Variants in ASTN1 observed in about 807,000 individuals in gnomAD.
The protein encoded by ASTN1 is astrotactin 1, also known as astrotactin-1.
ASTN1 carries 41 observed loss-of-function variants against 140.7 expected under a neutral mutation model. The ratio of observed to expected loss-of-function variants is 0.29; its 90% CI spans 0.23 to 0.38. The LOEUF is 0.38. ASTN1 is among the 10% of genes least tolerant of loss of function. ASTN1 has a pLI of 1.00. For synonymous variants in ASTN1, 640 were observed against 652.2 expected, an observed-to-expected ratio of 0.98 and a Z score of 0.29; for missense variants, 1,479 against 1,678.8, an observed-to-expected ratio of 0.88 and a Z score of 2.08.
intron 16 of ASTN1, among the ~76,000 whole-genome samples, chr1:176,928,429 A>T (rs1414090524): frequency 6.6e-6 from 1 of 152,260 alleles, no homozygotes; most frequent in African/African-American, 2.4e-5. Flanking sequence ...TATGGAAGAC[A>T]GTTATGCAGG....
chr1:176,889,366 T>A (rs1191049185), intron 17 of ASTN1, among the ~76,000 whole-genome samples: 1 of 152,228 alleles, frequency 6.6e-6, no homozygotes, highest in Non-Finnish European at 1.5e-5. Flanking sequence ...CTGTTTCTTA[T>A]GATTCTCTTC....
At chr1:177,011,519 G>C (rs1675287408) in intron 8 of ASTN1, among the ~76,000 whole-genome samples, 1 of 151,826 alleles carries the variant, frequency 6.6e-6, no homozygotes. Flanking sequence ...TGATGGAGTG[G>C]TGAGAGAATT....
In ASTN1 at chr1:176,947,308, T is replaced by C. The variant is rs36055303; in HGVS notation, c.2055-1188A>G. Reference sequence around the variant, plus strand: ...CTAGTGTTCATTAAATATTACTATTTGTAGAAGTAGAGGTGCAAATGAGGC... The same window carrying C: ...CTAGTGTTCATTAAATATTACTATTCGTAGAAGTAGAGGTGCAAATGAGGC... On this transcript the variant is annotated intron_variant, in intron 12 of 22. Transcript: ENST00000361833. 8.8e-3 allele frequency among the ~76,000 whole-genome samples: 1,337 copies of C among 152,310 alleles called. 13 individuals are homozygous for C. The highest frequency in any genetic ancestry group is 0.014 in the Middle Eastern group (4 of 294).
intron 16 of ASTN1, among the ~76,000 whole-genome samples, chr1:176,904,927 C>T (rs984393796): frequency 6.6e-6 from 1 of 152,168 alleles, no homozygotes; most frequent in Non-Finnish European, 1.5e-5. Context: ...ATCTACCCTG[C>T]GGCATTTATT....
At chr1:176,934,897 G>A (rs1671367895) in intron 15 of ASTN1, among the ~76,000 whole-genome samples, 1 of 152,094 alleles carries the variant, frequency 6.6e-6, no homozygotes, top group Non-Finnish European at 1.5e-5. Context: ...CGTAGACATG[G>A]GCAATAAGAA....
chr1:176,934,313 T>C lies in ASTN1; in HGVS notation c.2510A>G (p.Asp837Gly). The change falls in exon 16 of 23, where the codon GAT becomes GGT. Residue 837 changes from aspartate to glycine, a missense_variant. Around this residue, in one of 3 missense-constraint regions of ASTN1, gnomAD observed 746 missense variants for 800.9 expected, o/e 0.93. Transcript: ENST00000361833. ...QALSNALHSL[D>G]GATSRADFVA... ...AAAATCTGCACGAGATGTAGCCCCA[T>C]CCAGCGAGTGGAGAGCATTGCTGAG... The C allele has an allele frequency of 6.2e-7, 1 of 1,613,272 alleles. No homozygotes were observed. Among genetic ancestry groups the C allele is most frequent in the Non-Finnish European group, 8.5e-7 (1 of 1,179,400 alleles).
rs544296388 is a variant in ASTN1 at position 177,047,621 on chromosome 1, C to A, written c.471+13457G>T. ...AGACAAGAGTGAAGAGGATGGAAACCACCGTATCAGTCCAGTGAGAGGTGA... is the reference window on the plus strand; with the variant it reads ...AGACAAGAGTGAAGAGGATGGAAACAACCGTATCAGTCCAGTGAGAGGTGA... On this transcript the variant is annotated intron_variant, in intron 2 of 22. Coordinates refer to ENST00000361833, the MANE Select transcript of ASTN1 (RefSeq NM_004319.3). Among the ~76,000 whole-genome samples the A allele has an allele frequency of 1.8e-3, 281 of 152,152 alleles. 9 individuals are homozygous for A. In the South Asian group the frequency reaches 0.056, roughly 30 times the overall value.
intron 6 of ASTN1, among the ~76,000 whole-genome samples, chr1:177,024,119 CT>C (rs372578802): frequency 3.2e-4 from 48 of 152,322 alleles, no homozygotes; most frequent in African/African-American, 1.1e-3. Context: ...TGGGGTCCCC[CT>C]GGATGAAAGT....
rs186588699 is a variant in ASTN1, at chr1:176,994,595, G to C, written c.1523+20196C>G. 3.0e-3 allele frequency among the ~76,000 whole-genome samples: 451 copies of C among 152,114 alleles called. 10 individuals carry two copies. Among genetic ancestry groups the C allele is most frequent in the Admixed American group, 0.026 (397 of 15,272 alleles). On this transcript the variant is annotated intron_variant, in intron 8 of 22. Coordinates refer to ENST00000361833, the MANE Select transcript of ASTN1 (RefSeq NM_004319.3). ...TGATCTCAAGTGATTCGCCTGCCTT[G>C]GCCTCCCAAAGTGCTGGGATTACAG...
chr1:176,975,688 G>C (rs1332486441), intron 8 of ASTN1, among the ~76,000 whole-genome samples: 1 of 152,158 alleles, frequency 6.6e-6, no homozygotes, highest in Non-Finnish European at 1.5e-5. Context: ...CATTAGAATA[G>C]CTACTGAATC....
intron 1 of ASTN1, among the ~76,000 whole-genome samples, chr1:177,141,498 C>A (rs144814267): frequency 2.6e-5 from 4 of 152,156 alleles, no homozygotes; most frequent in Non-Finnish European, 5.9e-5. Flanking sequence ...CAGCACTCAG[C>A]CCTTTTCATT....
At chr1:177,097,612 G>A (rs946279552) in intron 1 of ASTN1, among the ~76,000 whole-genome samples, 6 of 152,128 alleles carry the variant, frequency 3.9e-5, no homozygotes, top group South Asian at 2.1e-4. Context: ...AATGATAAGG[G>A]TAAGAGGAGG....
intron 3 of ASTN1, 132 bp downstream of exon 3, chr1:177,032,324 C>T: frequency 3.2e-6 from 4 of 1,235,408 alleles, no homozygotes; most frequent in Non-Finnish European, 4.5e-6. Flanking sequence ...TTATTCTTGC[C>T]TATCTAGGGA....
intron 8 of ASTN1, among the ~76,000 whole-genome samples, chr1:176,977,660 TA>T (rs1673422977): frequency 6.6e-6 from 1 of 152,230 alleles, no homozygotes; most frequent in African/African-American, 2.4e-5. Context: ...TTTTTTCACT[TA>T]ATTCTCATAA....
chr1:176,994,096 C>T (rs1225902598), intron 8 of ASTN1, among the ~76,000 whole-genome samples: 1 of 150,746 alleles, frequency 6.6e-6, no homozygotes, highest in African/African-American at 2.5e-5. Context: ...TGAAAGTTTT[C>T]ACCCCACCCC....
At chr1:177,133,575 T>C (rs1484609818) in intron 1 of ASTN1, among the ~76,000 whole-genome samples, 1 of 152,170 alleles carries the variant, frequency 6.6e-6, no homozygotes, top group African/African-American at 2.4e-5. Flanking sequence ...TTATATCTTG[T>C]CATTAATAAT....
At chr1:176,923,704 A>G (rs894332800) in intron 16 of ASTN1, among the ~76,000 whole-genome samples, 2 of 152,172 alleles carry the variant, frequency 1.3e-5, no homozygotes, top group Admixed American at 6.5e-5. Context: ...AAAACCTAGT[A>G]TATGTAGGGT....
chr1:177,060,220 C>A (rs571968758), intron 2 of ASTN1, among the ~76,000 whole-genome samples: 4 of 152,224 alleles, frequency 2.6e-5, no homozygotes, highest in African/African-American at 9.6e-5. Context: ...AAAAACCTTC[C>A]AACTTTTTTT....
intron 2 of ASTN1, among the ~76,000 whole-genome samples, chr1:177,043,438 C>G (rs1227215857): frequency 2.0e-5 from 3 of 152,272 alleles, no homozygotes; most frequent in Middle Eastern, 3.4e-3. Context: ...GCATTAGAAC[C>G]CAAAAGATGA....
Sources: allele counts gnomAD v4.1 joint callset (sites outside exome capture counted in the v4.1 genomes callset), GRCh38; gene constraint gnomAD v4.1.1; regional missense constraint gnomAD v4.1.1; transcripts MANE v1.5; gene names NCBI Gene and HGNC (gene_info 2026-07-23, HGNC 2026-07-21).